Variants in ANKRD30B observed in about 807,000 individuals in gnomAD.
The protein encoded by ANKRD30B is ankyrin repeat domain 30B.
A neutral mutation model predicts 202.2 loss-of-function variants in ANKRD30B; 144 were observed. The ratio of observed to expected loss-of-function variants is 0.71; its 90% confidence interval spans 0.62 to 0.82. The LOEUF is 0.82. Among genes scored for constraint, ANKRD30B ranks in the 40% least tolerant of loss-of-function variants. The probability of loss-of-function intolerance (pLI) is 0.00; values close to 1 mark genes in which losing one functional copy is unlikely to be tolerated. For synonymous variants in ANKRD30B, 508 were observed against 561.3 expected, an observed-to-expected ratio of 0.91 and a Z score of 1.34; for missense variants, 1,487 against 1,669.1, an observed-to-expected ratio of 0.89 and a Z score of 1.90.
At chr18:14,836,689 T>G (rs1971190063) in intron 34 of ANKRD30B, among the ~76,000 whole-genome samples, 1 of 152,158 alleles carries the variant, frequency 6.6e-6, no homozygotes, top group Admixed American at 6.6e-5. Flanking sequence ...CTTATATGGT[T>G]TGGTCTCATT....
At chr18:14,758,862 A>G (rs1170252070) in intron 5 of ANKRD30B, among the ~76,000 whole-genome samples, 10 of 152,214 alleles carry the variant, frequency 6.6e-5, no homozygotes, top group Non-Finnish European at 2.9e-5. Context: ...TACCAGATCT[A>G]TATTCCTGGC....
chr18:14,873,647 C>T, the ANKRD30B span, among the ~76,000 whole-genome samples: 1 of 152,052 alleles, frequency 6.6e-6, no homozygotes, highest in African/African-American at 2.4e-5. Flanking sequence ...TTCTCTAAAC[C>T]CCCAATTCCC....
chr18:14,941,024 A>T, the ANKRD30B span, among the ~76,000 whole-genome samples: 1 of 152,276 alleles, frequency 6.6e-6, no homozygotes, highest in African/African-American at 2.4e-5. Flanking sequence ...ATGTGCTCCC[A>T]GGAGATTCCA....
At position 14,789,190 on chromosome 18, in the gene ANKRD30B, T is replaced by G. The variant is rs571138336; in HGVS notation, c.1734+2090T>G. ...TGTGTTTTTTGGATGCATAAATGTC[T>G]TCTTTTGAGAAGTGTCTGTTCATGT... On this transcript the variant is annotated intron_variant, in intron 15 of 43. Transcript: ENST00000690538. Among the ~76,000 whole-genome samples, 8 of 152,364 alleles carry G rather than the reference T, an allele frequency of 5.3e-5. No individual in the cohort carries two copies. In the East Asian group the frequency reaches 1.5e-3, roughly 29 times the overall value.
At chr18:14,778,182 A>C in intron 10 of ANKRD30B, 107 bp downstream of exon 10, 1 of 717,514 alleles carries the variant, frequency 1.4e-6, no homozygotes. Flanking sequence ...TAAATGCATA[A>C]CACGGAAGAA....
chr18:14,830,030 T>C (rs1970833753), intron 33 of ANKRD30B: 1 of 153,044 alleles, frequency 6.5e-6, no homozygotes, highest in Non-Finnish European at 1.5e-5. Flanking sequence ...TTTGGTAACA[T>C]GACTGAGACT....
At chr18:14,843,553 C>CTGTGTGTGTGTGTGTGTGTGTGTGTGTG (rs56044501) in intron 39 of ANKRD30B, among the ~76,000 whole-genome samples, 5 of 145,374 alleles carry the variant, frequency 3.4e-5, no homozygotes, top group Admixed American at 2.8e-4. Context: ...AGCTTACTTT[C>CTGTGTGTGTGTGTGTGTGTGTGTGTGTG]TGTGTGTGTG....
rs767610498 is a variant in ANKRD30B at position 14,808,585 on chromosome 18, T to C, written c.2313+6T>C. The C allele has an allele frequency of 7.1e-6, 11 of 1,559,632 alleles. No individual in the cohort carries two copies. The highest frequency in any genetic ancestry group is 9.7e-6 in the Non-Finnish European group (11 of 1,136,548). On this transcript the variant is annotated splice_donor_region_variant and intron_variant, in intron 25 of 43. Coordinates refer to ENST00000690538, the MANE Select transcript of ANKRD30B (RefSeq NM_001367607.2). The stretch of plus-strand genomic sequence containing the variant: ...ATAAAGATGGTCTTCTGAAGGTAAT[T>C]ACTTTTATATTTCTATGTTGAATAT...
chr18:14,914,706 G>C, the ANKRD30B span, among the ~76,000 whole-genome samples: 22 of 152,238 alleles, frequency 1.4e-4, no homozygotes, highest in African/African-American at 5.1e-4. Context: ...CTAGATGAAA[G>C]GTCATTTATT....
chr18:14,917,917 T>A, the ANKRD30B span, among the ~76,000 whole-genome samples: 13 of 152,336 alleles, frequency 8.5e-5, no homozygotes, highest in Admixed American at 7.8e-4. Flanking sequence ...AAGGTGTTCT[T>A]GTAAAAAGAA....
At chr18:14,823,665 C>T (rs936213045) in intron 32 of ANKRD30B, among the ~76,000 whole-genome samples, 82 of 152,112 alleles carry the variant, frequency 5.4e-4, no homozygotes, top group African/African-American at 1.9e-3. Flanking sequence ...TTGTCATTCC[C>T]ATGCATGTTT....
chr18:14,886,119 A>T, the ANKRD30B span, among the ~76,000 whole-genome samples: 4 of 151,900 alleles, frequency 2.6e-5, no homozygotes, highest in South Asian at 2.1e-4. Flanking sequence ...ACATAGTCAC[A>T]TTTGTGTACA....
chr18:14,907,934 G>A, the ANKRD30B span, among the ~76,000 whole-genome samples: 4 of 151,946 alleles, frequency 2.6e-5, no homozygotes, highest in African/African-American at 9.7e-5. Context: ...ATTTTCCCCA[G>A]AAGGTTTCAT....
chr18:14,808,124 A>G (rs1969638116), intron 24 of ANKRD30B, among the ~76,000 whole-genome samples: 1 of 150,788 alleles, frequency 6.6e-6, no homozygotes, highest in African/African-American at 2.5e-5. Context: ...GTATATTGAC[A>G]TAAGAGATTC....
the ANKRD30B span, among the ~76,000 whole-genome samples, chr18:14,863,650 G>A: frequency 6.6e-6 from 1 of 151,960 alleles, no homozygotes; most frequent in Non-Finnish European, 1.5e-5. Flanking sequence ...CCCAGGACTA[G>A]ATGAATTCAC....
At chr18:14,894,576 T>A in the ANKRD30B span, among the ~76,000 whole-genome samples, 1 of 152,190 alleles carries the variant, frequency 6.6e-6, no homozygotes, top group Non-Finnish European at 1.5e-5. Context: ...AGGCAGTGGT[T>A]TGATATTTAG....
downstream of ANKRD30B, among the ~76,000 whole-genome samples, chr18:14,856,419 G>T (rs575667924): frequency 1.5e-4 from 21 of 143,362 alleles, no homozygotes; most frequent in South Asian, 1.3e-3. Context: ...CTTCCCAGAG[G>T]GGGTGGCCGG....
chr18:14,783,034 T>C (rs1163236086), intron 12 of ANKRD30B, among the ~76,000 whole-genome samples: 1 of 152,116 alleles, frequency 6.6e-6, no homozygotes, highest in Non-Finnish European at 1.5e-5. Context: ...AATGATCTTC[T>C]GGTCCCAAAA....
intron 22 of ANKRD30B, among the ~76,000 whole-genome samples, 155 bp downstream of exon 22, chr18:14,799,450 A>T (rs1253094094): frequency 6.6e-6 from 1 of 152,156 alleles, no homozygotes; most frequent in Non-Finnish European, 1.5e-5. Context: ...GTTTGAGAAA[A>T]TGCCATTTAC....
Sources: gnomAD v4.1 joint callset for allele counts (sites outside exome capture counted in the v4.1 genomes callset) on GRCh38, gnomAD v4.1.1 for gene constraint, MANE v1.5 for transcripts, NCBI Gene and HGNC (gene_info 2026-07-23, HGNC 2026-07-21) for gene names.